Variants in VAV2 observed in about 807,000 individuals in gnomAD.
The protein encoded by VAV2 is guanine nucleotide exchange factor VAV2.
Under a neutral mutation model 132.5 loss-of-function variants are expected in VAV2, and 67 were observed. That is an observed-to-expected ratio of 0.51 (90% CI 0.42 to 0.62). The LOEUF (loss-of-function observed/expected upper bound fraction) is 0.62, where lower values mean the gene tolerates loss of function less well. VAV2 is among the 20% of genes least tolerant of loss of function. The probability of loss-of-function intolerance (pLI) is 0.00; values close to 1 mark genes in which losing one functional copy is unlikely to be tolerated. For missense variants in VAV2, 938 were observed against 1,153.6 expected (o/e 0.81, Z 2.71); for synonymous variants, 492 against 443.5 (o/e 1.11, Z -1.37).
intron 1 of VAV2, among the ~76,000 whole-genome samples, chr9:133,974,301 C>T (rs1358427510): frequency 4.6e-5 from 7 of 152,158 alleles, no homozygotes. Flanking sequence ...ACAACTCCAG[C>T]TCCCTTGCAC....
At chr9:133,886,801 T>C (rs1404761970) in intron 2 of VAV2, among the ~76,000 whole-genome samples, 1 of 152,258 alleles carries the variant, frequency 6.6e-6, no homozygotes, top group East Asian at 1.9e-4. Flanking sequence ...AGGTGAATTC[T>C]GCAAGCACAA....
At chr9:133,948,983 G>A (rs1487693356) in intron 1 of VAV2, among the ~76,000 whole-genome samples, 1 of 152,174 alleles carries the variant, frequency 6.6e-6, no homozygotes, top group Non-Finnish European at 1.5e-5. Context: ...CTGGGAGGAG[G>A]GAGGGTCCCG....
intron 5 of VAV2, among the ~76,000 whole-genome samples, chr9:133,810,773 G>A (rs1359416957): frequency 6.6e-6 from 1 of 152,204 alleles, no homozygotes; most frequent in Non-Finnish European, 1.5e-5. Flanking sequence ...GCGGGCTCCA[G>A]GGAGCACCCA....
chr9:133,946,174 T>G (rs1841352512), intron 1 of VAV2, among the ~76,000 whole-genome samples: 1 of 152,302 alleles, frequency 6.6e-6, no homozygotes, highest in African/African-American at 2.4e-5. Context: ...CCTGGAGCTG[T>G]TAGCCCGCCA....
intron 3 of VAV2, among the ~76,000 whole-genome samples, chr9:133,842,394 G>C (rs2131813442): frequency 6.6e-6 from 1 of 151,946 alleles, no homozygotes; most frequent in East Asian, 1.9e-4. Context: ...GCAGAGCCTC[G>C]AGTTACATCC....
chr9:133,886,811 A>C (rs1373084997), intron 2 of VAV2, among the ~76,000 whole-genome samples: 1 of 152,238 alleles, frequency 6.6e-6, no homozygotes, highest in Non-Finnish European at 1.5e-5. Flanking sequence ...TGCAAGCACA[A>C]AAGCCTGTGT....
chr9:133,952,932 C>A (rs2256876), intron 1 of VAV2, among the ~76,000 whole-genome samples: 36,146 of 136,788 alleles, frequency 0.26, 5,882 homozygotes, highest in East Asian at 0.37. Flanking sequence ...GGGAGCATGG[C>A]CCCCGGGACA....
At chr9:133,796,867 G>A (rs1588188259) in intron 10 of VAV2, among the ~76,000 whole-genome samples, 1 of 152,322 alleles carries the variant, frequency 6.6e-6, no homozygotes, top group East Asian at 1.9e-4. Context: ...AAGGTCCTTT[G>A]GAGAAGGGGC....
chr9:133,978,907 G>A (rs78686769), intron 1 of VAV2, among the ~76,000 whole-genome samples: 4,907 of 152,344 alleles, frequency 0.032, 169 homozygotes, highest in African/African-American at 0.087. Flanking sequence ...ACCAAAAACC[G>A]GGCACCTGAG....
chr9:133,970,421 G>A (rs779630807), intron 1 of VAV2, among the ~76,000 whole-genome samples: 8 of 152,196 alleles, frequency 5.3e-5, no homozygotes, highest in African/African-American at 1.4e-4. Flanking sequence ...CGAGGCCACC[G>A]AGGCTCACGG....
intron 2 of VAV2, among the ~76,000 whole-genome samples, chr9:133,934,006 G>A (rs2132118370): frequency 6.6e-6 from 1 of 150,752 alleles, no homozygotes; most frequent in South Asian, 2.1e-4. Context: ...GTAGATGGAT[G>A]GATGGATGGA....
intron 4 of VAV2, among the ~76,000 whole-genome samples, chr9:133,832,958 T>C (rs1015073690): frequency 2.6e-5 from 4 of 152,166 alleles, no homozygotes; most frequent in Non-Finnish European, 5.9e-5. Flanking sequence ...ATGGCCCCTG[T>C]GCCCATCTCT....
chr9:133,866,228 T>C (rs1837794604), intron 2 of VAV2, among the ~76,000 whole-genome samples: 1 of 152,226 alleles, frequency 6.6e-6, no homozygotes, highest in Admixed American at 6.5e-5. Flanking sequence ...TTTCTGACAA[T>C]TGAGGATTTC....
intron 2 of VAV2, among the ~76,000 whole-genome samples, chr9:133,922,070 C>T (rs758278555): frequency 6.6e-6 from 1 of 152,272 alleles, no homozygotes; most frequent in African/African-American, 2.4e-5. Context: ...CCTGCTGGAC[C>T]CCAAGCCCAC....
chr9:133,962,206 G>A (rs866036653), intron 1 of VAV2, among the ~76,000 whole-genome samples: 3 of 152,136 alleles, frequency 2.0e-5, no homozygotes, highest in African/African-American at 2.4e-5. Context: ...CTCAAGATGA[G>A]GCCACCCAGG....
intron 9 of VAV2, among the ~76,000 whole-genome samples, chr9:133,800,594 C>T (rs1195922522): frequency 1.3e-5 from 2 of 152,174 alleles, no homozygotes; most frequent in Non-Finnish European, 2.9e-5. Flanking sequence ...CCCTCCCTGT[C>T]GAGGCAAGTC....
intron 9 of VAV2, among the ~76,000 whole-genome samples, chr9:133,798,046 C>T (rs542612008): frequency 2.0e-5 from 3 of 152,318 alleles, no homozygotes; most frequent in Admixed American, 2.0e-4. Context: ...CCTGCTCTTC[C>T]TGAGTCCCAG....
At position 133,855,914 on chromosome 9, in the gene VAV2, T is replaced by A. The variant is rs574705858; in HGVS notation, c.380+5460A>T. ...AAAGGTGGAAACAGGCCAGAGTTCA[T>A]CACGTGATAAACGGATACGCAAAAT... On this transcript the variant is annotated intron_variant, in intron 3 of 29. Transcript: ENST00000371850. 2.0e-5 allele frequency among the ~76,000 whole-genome samples: 3 copies of A among 152,264 alleles called. No homozygotes were observed. In the South Asian group the frequency reaches 6.2e-4, roughly 32 times the overall value.
At chr9:133,792,963 G>T (rs1229872948) in intron 12 of VAV2, among the ~76,000 whole-genome samples, 2 of 152,046 alleles carry the variant, frequency 1.3e-5, no homozygotes, top group Non-Finnish European at 2.9e-5. Flanking sequence ...CTGTGTGTGG[G>T]AGCCACATCA....
Sources: allele counts gnomAD v4.1 joint callset (sites outside exome capture counted in the v4.1 genomes callset), GRCh38; gene constraint gnomAD v4.1.1; transcripts MANE v1.5; gene names NCBI Gene and HGNC (gene_info 2026-07-23, HGNC 2026-07-21).